LHCGR: variants seen among roughly 807,000 people sequenced by gnomAD.
LHCGR encodes the protein lutropin-choriogonadotropic hormone receptor.
Under a neutral mutation model 60.7 loss-of-function variants are expected in LHCGR, and 55 were observed. The ratio of observed to expected loss-of-function variants is 0.91; its 90% confidence interval spans 0.73 to 1.13. The LOEUF (loss-of-function observed/expected upper bound fraction) is 1.13, where lower values mean the gene tolerates loss of function less well. Ranked by LOEUF, LHCGR falls within the 50% of genes most tolerant of loss-of-function variation. The pLI, the probability that LHCGR is intolerant of heterozygous loss-of-function variation, is 0.00. For synonymous variants in LHCGR, 337 were observed against 316.5 expected, an observed-to-expected ratio of 1.06 and a Z score of -0.69; for missense variants, 862 against 836.0, an observed-to-expected ratio of 1.03 and a Z score of -0.38.
intron 1 of LHCGR, among the ~76,000 whole-genome samples, chr2:48,752,998 G>GGGGGGGGT (rs1670047716): frequency 1.3e-5 from 1 of 74,358 alleles, no homozygotes; most frequent in African/African-American, 5.8e-5. Context: ...GGGGGGGGGT[G>GGGGGGGGT]GGGAAGGGAA....
chr2:48,694,401 A>T (rs1027294383), intron 9 of LHCGR, 97 bp from the exon 10 acceptor site: 12 of 742,030 alleles, frequency 1.6e-5, no homozygotes, highest in Non-Finnish European at 2.9e-5. Flanking sequence ...CAAATTCTTT[A>T]CCTATTACAC....
intron 1 of LHCGR, among the ~76,000 whole-genome samples, chr2:48,732,704 C>T (rs568864107): frequency 6.6e-6 from 1 of 152,188 alleles, no homozygotes; most frequent in Non-Finnish European, 1.5e-5. Flanking sequence ...TGCAACCTTG[C>T]TTCTCCTGAG....
Position 48,713,985 on chromosome 2 carries a change from C to G in LHCGR, c.605+1G>C. ...AGCTGGGGAAATAAGCAAATACTTA[C>G]AGTGAAGTCAGTGTCGTCCCATTGA... is the stretch of plus-strand genomic sequence containing the variant. On this transcript the variant is annotated splice_donor_variant, in intron 7 of 10. Transcript: ENST00000294954. LOFTEE classifies it high-confidence loss of function. The G allele has an allele frequency of 6.3e-7, 1 of 1,596,458 alleles. No homozygotes were observed.
rs556527609 is a variant in LHCGR, at chr2:48,688,436, A to G, written c.1361T>C (p.Val454Ala). The change falls in exon 11 of 11, where the codon GTC becomes GCC. Residue 454 changes from valine to alanine, a missense_variant. Transcript: ENST00000294954. This position sits in a 1 kb window ranked among gnomAD's most constrained non-coding sequence, Gnocchi z 5.2. ...FFTVFASELSVYTLTVITLER... is the reference protein window; with the variant it reads ...FFTVFASELSAYTLTVITLER... ...TAGAGTGATGACGGTGAGGGTGTAG[A>G]CAGAAAGTTCACTTGCGAATACAGT... The G allele has an allele frequency of 6.2e-7, 1 of 1,614,166 alleles. No individual in the cohort carries two copies. Among genetic ancestry groups the G allele is most frequent in the Non-Finnish European group, 8.5e-7 (1 of 1,180,026 alleles).
chr2:48,693,179 C>G (rs949081654), intron 10 of LHCGR, among the ~76,000 whole-genome samples: 9 of 152,216 alleles, frequency 5.9e-5, no homozygotes, highest in African/African-American at 2.2e-4. Flanking sequence ...GAAGAAAAGG[C>G]CACTGGAGGA....
At chr2:48,710,411 CCAGT>C (rs1667921604) in intron 7 of LHCGR, among the ~76,000 whole-genome samples, 1 of 152,152 alleles carries the variant, frequency 6.6e-6, no homozygotes, top group African/African-American at 2.4e-5. Flanking sequence ...TTGTGTCAGC[CCAGT>C]CAGATTAATT....
chr2:48,701,438 G>A (rs1321293376), intron 8 of LHCGR, among the ~76,000 whole-genome samples: 3 of 152,128 alleles, frequency 2.0e-5, no homozygotes, highest in African/African-American at 7.2e-5. Context: ...AATACACAAG[G>A]CAAGATTCTG....
At chr2:48,709,628 A>G (rs965175095) in intron 7 of LHCGR, among the ~76,000 whole-genome samples, 1 of 152,182 alleles carries the variant, frequency 6.6e-6, no homozygotes, top group Non-Finnish European at 1.5e-5. Flanking sequence ...GATCATCGCC[A>G]GGTGTATGTG....
chr2:48,718,792 C>A (rs957325129), intron 6 of LHCGR, among the ~76,000 whole-genome samples: 1 of 152,076 alleles, frequency 6.6e-6, no homozygotes, highest in Non-Finnish European at 1.5e-5. Flanking sequence ...GTAACTGTGA[C>A]CTGGTTACTA....
At chr2:48,738,569 C>T (rs115573670) in intron 1 of LHCGR, among the ~76,000 whole-genome samples, 335 of 152,322 alleles carry the variant, frequency 2.2e-3, no homozygotes, top group African/African-American at 7.5e-3. Flanking sequence ...GCCTGGCATT[C>T]AAGGCTCAAT....
chr2:48,736,723 A>G (rs1669220221), intron 1 of LHCGR, among the ~76,000 whole-genome samples: 1 of 152,112 alleles, frequency 6.6e-6, no homozygotes, highest in Admixed American at 6.5e-5. Flanking sequence ...TTTGTTTTGT[A>G]TGTTATATAT....
chr2:48,734,978 A>G (rs568198157), intron 1 of LHCGR, among the ~76,000 whole-genome samples: 110 of 152,328 alleles, frequency 7.2e-4, no homozygotes, highest in African/African-American at 2.0e-3. Flanking sequence ...CTGTAGAACT[A>G]TGCAGCTACT....
intron 8 of LHCGR, among the ~76,000 whole-genome samples, chr2:48,706,451 G>T (rs997168759): frequency 6.6e-6 from 1 of 152,188 alleles, no homozygotes; most frequent in African/African-American, 2.4e-5. Context: ...GCCTTGCTAG[G>T]TTGGGGAAGT....
chr2:48,705,359 A>G (rs1667612709), intron 8 of LHCGR, among the ~76,000 whole-genome samples: 2 of 152,186 alleles, frequency 1.3e-5, no homozygotes, highest in Admixed American at 1.3e-4. Context: ...AGAAGAATGT[A>G]TATTCTGCTG....
intron 3 of LHCGR, 99 bp downstream of exon 3, chr2:48,729,054 G>C: frequency 1.0e-6 from 1 of 961,884 alleles, no homozygotes; most frequent in Non-Finnish European, 1.7e-6. Flanking sequence ...TTTCCTTTTG[G>C]ATTCCTAGCA....
intron 10 of LHCGR, among the ~76,000 whole-genome samples, chr2:48,692,021 ACT>A (rs1666873039): frequency 6.6e-6 from 1 of 151,542 alleles, no homozygotes; most frequent in African/African-American, 2.4e-5. Flanking sequence ...CCCTAACTTC[ACT>A]CTCTCTCATT....
Position 48,743,645 on chromosome 2 carries a change from C to G in LHCGR, c.161+11866G>C, listed in dbSNP as rs1434758253. Among the ~76,000 whole-genome samples the G allele has an allele frequency of 9.9e-5, 15 of 151,484 alleles. No homozygotes were observed. In the South Asian group the frequency reaches 1.5e-3, roughly 15 times the overall value. Reference sequence around the variant, plus strand: ...AAGGACTTTGACAAAATTCAACAACCCTTCATGCTAAAAACTCTCAATAAA... The same window carrying G: ...AAGGACTTTGACAAAATTCAACAACGCTTCATGCTAAAAACTCTCAATAAA... On this transcript the variant is annotated intron_variant, in intron 1 of 10. Transcript: ENST00000294954.
chr2:48,745,413 A>G (rs7567846), intron 1 of LHCGR, among the ~76,000 whole-genome samples: 63,309 of 151,964 alleles, frequency 0.42, 14,678 homozygotes, highest in African/African-American at 0.63. Flanking sequence ...TTATTGTGGC[A>G]TTATTCACAA....
chr2:48,749,465 G>A (rs973563045), intron 1 of LHCGR, among the ~76,000 whole-genome samples: 3 of 152,326 alleles, frequency 2.0e-5, no homozygotes, highest in Admixed American at 2.0e-4. Context: ...CTCAGCTGTG[G>A]AAGTGAGCAG....
Sources: gnomAD v4.1 joint callset for allele counts (sites outside exome capture counted in the v4.1 genomes callset) on GRCh38, gnomAD v4.1.1 for gene constraint, Gnocchi (gnomAD v3.1) non-coding constraint, MANE v1.5 for transcripts, NCBI Gene and HGNC (gene_info 2026-07-23, HGNC 2026-07-21) for gene names.